ABHD2: variants seen among roughly 807,000 people sequenced by gnomAD.
ABHD2 encodes abhydrolase domain containing 2, acylglycerol lipase, also known as monoacylglycerol lipase ABHD2.
ABHD2 carries 20 observed loss-of-function variants against 48.1 expected under a neutral mutation model. That is an observed-to-expected ratio of 0.42 (90% CI 0.29 to 0.60). ABHD2 has a LOEUF of 0.60. ABHD2 is among the 20% of genes least tolerant of loss of function. ABHD2 has a pLI of 0.24. For missense variants in ABHD2, 405 were observed against 550.9 expected (o/e 0.74, Z 2.65); for synonymous variants, 209 against 214.2 (o/e 0.98, Z 0.21).
intron 1 of ABHD2, among the ~76,000 whole-genome samples, chr15:89,093,396 C>T (rs1055415840): frequency 3.9e-5 from 6 of 152,026 alleles, no homozygotes; most frequent in African/African-American, 1.5e-4. Flanking sequence ...GTCTCAAACT[C>T]CTGACCTCAG....
In ABHD2 at chr15:89,091,905, T is replaced by C. The variant is rs890570905; in HGVS notation, c.-107+3342T>C. 6.6e-6 allele frequency among the ~76,000 whole-genome samples: 1 copy of C among 152,182 alleles called. No individual in the cohort carries two copies. Among genetic ancestry groups the C allele is most frequent in the African/African-American group, 2.4e-5 (1 of 41,442 alleles). ...TCCCCAGGAACAGAGCAATGAGAAGTTCAGGGTGCCTCTTAAATGTGTCTG... is the reference window on the plus strand; with the variant it reads ...TCCCCAGGAACAGAGCAATGAGAAGCTCAGGGTGCCTCTTAAATGTGTCTG... On this transcript the variant is annotated intron_variant, in intron 1 of 10. Coordinates refer to ENST00000352732, the MANE Select transcript of ABHD2 (RefSeq NM_152924.5). This position sits in a 1 kb window ranked among gnomAD's most constrained non-coding sequence, Gnocchi z 5.5.
At position 89,102,716 on chromosome 15, in the gene ABHD2, G is replaced by A. The variant is rs917036953; in HGVS notation, c.-106-11009G>A. The A allele has an allele frequency of 4.6e-5, 7 of 152,274 alleles. No homozygotes were observed. The highest frequency in any genetic ancestry group is 6.5e-5 in the Admixed American group (1 of 15,288). 9.4% of individuals were successfully genotyped at this position (152,274 alleles called of 1,614,324 possible). A position where few individuals can be genotyped will look rare whatever the true frequency, so the allele number is the denominator to read the frequency against. On this transcript the variant is annotated intron_variant, in intron 1 of 10. Coordinates refer to ENST00000352732, the MANE Select transcript of ABHD2 (RefSeq NM_152924.5). The surrounding 1 kb of genome is among the most constrained non-coding windows in gnomAD (Gnocchi z 4.8). ...GACGAATGTATTGGGAAAGCCCAGC[G>A]GAGGAAGAGCTCCTGAGGAGTGAGT...
intron 1 of ABHD2, among the ~76,000 whole-genome samples, chr15:89,093,121 C>T (rs1045467214): frequency 1.3e-5 from 2 of 151,760 alleles, no homozygotes; most frequent in Non-Finnish European, 2.9e-5. Flanking sequence ...CTCTGTTCTC[C>T]AGAGAAGCTT....
In ABHD2 at chr15:89,199,727, G is replaced by C. The variant is rs2051447479; in HGVS notation, c.*4304G>C. 2 of 152,544 alleles carry C rather than the reference G, an allele frequency of 1.3e-5. No homozygotes were observed. Among genetic ancestry groups the C allele is most frequent in the African/African-American group, 2.4e-5 (1 of 41,430 alleles). 9.4% of individuals were successfully genotyped at this position (152,544 alleles called of 1,614,324 possible). ...TGGATGCTTCGAACAGCCATGAAAA[G>C]TAGCCTGCCTGTGGCATTTAGAGGC... is the stretch of plus-strand genomic sequence containing the variant. On this transcript the variant is annotated 3_prime_UTR_variant, in exon 11 of 11. Transcript: ENST00000352732. This position sits in a 1 kb window ranked among gnomAD's most constrained non-coding sequence, Gnocchi z 4.1.
At chr15:89,162,683 T>C (rs1191212356) in intron 5 of ABHD2, among the ~76,000 whole-genome samples, 1 of 152,132 alleles carries the variant, frequency 6.6e-6, no homozygotes, top group East Asian at 1.9e-4. Context: ...CTCTCCCTCA[T>C]CTAAAGCTCC....
the ABHD2 span, among the ~76,000 whole-genome samples, chr15:89,071,191 G>A: frequency 1.3e-5 from 2 of 152,246 alleles, no homozygotes; most frequent in Admixed American, 6.5e-5. Flanking sequence ...AGGCCAAGGC[G>A]AGTGGATCAC....
At chr15:89,136,415 A>C (rs1427775760) in intron 3 of ABHD2, 3 of 500,294 alleles carry the variant, frequency 6.0e-6, no homozygotes, top group African/African-American at 5.9e-5. Flanking sequence ...GTTTGTTCTT[A>C]TGTGCCTCCC....
rs747761808 is a variant in ABHD2 at position 89,137,705 on chromosome 15, A to G, written c.195-13972A>G. Among the ~76,000 whole-genome samples, 2 of 152,200 alleles carry G rather than the reference A, an allele frequency of 1.3e-5. No homozygotes were observed. The highest frequency in any genetic ancestry group is 2.9e-5 in the Non-Finnish European group (2 of 68,034). ...AATGTAATGTGTGACAGCTGTGGAG[A>G]AGAATTTGCCTCCAGTGAGGGGAAA... On this transcript the variant is annotated intron_variant, in intron 3 of 10. Coordinates refer to ENST00000352732, the MANE Select transcript of ABHD2 (RefSeq NM_152924.5). This position sits in a 1 kb window ranked among gnomAD's most constrained non-coding sequence, Gnocchi z 4.8.
rs1178978414 is a variant in ABHD2 at position 89,175,553 on chromosome 15, G to C, written c.539-259G>C. ...AGAAGCATTGTACATTTGATACATG[G>C]TACCTCCACGCTTTGGCACTGCTGA... On this transcript the variant is annotated intron_variant, in intron 5 of 10. Transcript: ENST00000352732. This position sits in a 1 kb window ranked among gnomAD's most constrained non-coding sequence, Gnocchi z 5.7. 6.6e-6 allele frequency among the ~76,000 whole-genome samples: 1 copy of C among 152,052 alleles called. No individual in the cohort carries two copies. Among genetic ancestry groups the C allele is most frequent in the Non-Finnish European group, 1.5e-5 (1 of 68,022 alleles).
At chr15:89,143,268 T>C (rs1293470127) in intron 3 of ABHD2, among the ~76,000 whole-genome samples, 1 of 152,240 alleles carries the variant, frequency 6.6e-6, no homozygotes, top group East Asian at 1.9e-4. Context: ...ATTTACCACA[T>C]GCAGTTTTAA....
upstream of ABHD2, among the ~76,000 whole-genome samples, chr15:89,085,242 A>G (rs1901332166): frequency 6.6e-6 from 1 of 152,020 alleles, no homozygotes; most frequent in Non-Finnish European, 1.5e-5. This position sits in a 1 kb window ranked among gnomAD's most constrained non-coding sequence, Gnocchi z 4.2. Context: ...TTTTATTACA[A>G]GGTACTGTCA....
In ABHD2 at chr15:89,151,885, C is replaced by A; in HGVS notation, c.370+33C>A. On this transcript the variant is annotated intron_variant, in intron 4 of 10. Coordinates refer to ENST00000352732, the MANE Select transcript of ABHD2 (RefSeq NM_152924.5). The surrounding 1 kb of genome is among the most constrained non-coding windows in gnomAD (Gnocchi z 4.7). ...GCTTTAGATTGTGTGATTGAGCCAT[C>A]ACTCAGAGAAGGAGCACTAGTCAGT... The A allele has an allele frequency of 6.2e-7, 1 of 1,606,614 alleles. No homozygotes were observed. Among genetic ancestry groups the A allele is most frequent in the Non-Finnish European group, 8.5e-7 (1 of 1,175,908 alleles).
In ABHD2 at chr15:89,184,045, G is replaced by A. The variant is rs1284493325; in HGVS notation, c.723-1379G>A. Among the ~76,000 whole-genome samples, 4 of 152,146 alleles carry A rather than the reference G, an allele frequency of 2.6e-5. No homozygotes were observed. Among genetic ancestry groups the A allele is most frequent in the South Asian group, 2.1e-4 (1 of 4,830 alleles). ...CTGTAGTGCTTGGTTAGAGTCGGGC[G>A]GGGGTTGGCTGCACATTTATGCAGT... On this transcript the variant is annotated intron_variant, in intron 6 of 10. Transcript: ENST00000352732. This position sits in a 1 kb window ranked among gnomAD's most constrained non-coding sequence, Gnocchi z 5.1.
chr15:89,069,890 G>A, the ABHD2 span, among the ~76,000 whole-genome samples: 1 of 151,884 alleles, frequency 6.6e-6, no homozygotes, highest in Non-Finnish European at 1.5e-5. Context: ...ATGTTGGCCA[G>A]GTTAGTCTTG....
In ABHD2 at chr15:89,101,146, A is replaced by G. The variant is rs73467732; in HGVS notation, c.-106-12579A>G. Among the ~76,000 whole-genome samples, 152 of 152,256 alleles carry G rather than the reference A, an allele frequency of 1.0e-3. 1 individual carries two copies. The highest frequency in any genetic ancestry group is 3.5e-3 in the African/African-American group (147 of 41,522). On this transcript the variant is annotated intron_variant, in intron 1 of 10. Coordinates refer to ENST00000352732, the MANE Select transcript of ABHD2 (RefSeq NM_152924.5). ...TTTCCTTTCTTCTGCTACCTCCAAC[A>G]TCCTGTTTTAGCTTTGAATATATTT...
In ABHD2 at chr15:89,151,707, T is replaced by C. The variant is rs776019222; in HGVS notation, c.225T>C (p.Ser75=). The change falls in exon 4 of 11, where the codon AGT becomes AGC. Residue 75 remains serine (S), a synonymous_variant. Coordinates refer to ENST00000352732, the MANE Select transcript of ABHD2 (RefSeq NM_152924.5). The surrounding 1 kb of genome is among the most constrained non-coding windows in gnomAD (Gnocchi z 4.7). The part of the protein sequence containing the change: ...EYIPPLIWGK[S]GHIQTALYGK... ...TTCCACCGTTGATCTGGGGGAAAAGTGGACACATCCAGACAGCCTTGTATG... is the reference window on the plus strand; with the variant it reads ...TTCCACCGTTGATCTGGGGGAAAAGCGGACACATCCAGACAGCCTTGTATG... 2 of 1,614,034 alleles carry C rather than the reference T, an allele frequency of 1.2e-6. No individual in the cohort carries two copies. The highest frequency in any genetic ancestry group is 8.5e-7 in the Non-Finnish European group (1 of 1,180,012).
chr15:89,044,024 G>A, the ABHD2 span, among the ~76,000 whole-genome samples: 3 of 151,924 alleles, frequency 2.0e-5, no homozygotes, highest in African/African-American at 7.3e-5. Context: ...TCTAGCATTA[G>A]GTATATCTCC....
chr15:89,119,476 A>G (rs926477964), intron 3 of ABHD2, among the ~76,000 whole-genome samples: 12 of 152,216 alleles, frequency 7.9e-5, no homozygotes, highest in Non-Finnish European at 1.3e-4. Context: ...TTACTACTGC[A>G]TTTGAAATTT....
intron 10 of ABHD2, among the ~76,000 whole-genome samples, chr15:89,194,074 G>C (rs2051352267): frequency 6.6e-6 from 1 of 152,134 alleles, no homozygotes; most frequent in Non-Finnish European, 1.5e-5. Context: ...CTGGGCAACA[G>C]AGCAAGATTC....
Sources: gnomAD v4.1 joint callset for allele counts (sites outside exome capture counted in the v4.1 genomes callset) on GRCh38, gnomAD v4.1.1 for gene constraint, Gnocchi (gnomAD v3.1) non-coding constraint, MANE v1.5 for transcripts, NCBI Gene and HGNC (gene_info 2026-07-23, HGNC 2026-07-21) for gene names.